The following KAT2B variants were observed in gnomAD, a reference collection of about 807,000 sequenced individuals.
The protein encoded by KAT2B is lysine acetyltransferase 2B.
Under a neutral mutation model 105.9 loss-of-function variants are expected in KAT2B, and 36 were observed. The ratio of observed to expected loss-of-function variants is 0.34; its 90% CI spans 0.26 to 0.45. The LOEUF is 0.45. Ranked by LOEUF, KAT2B falls within the 20% of genes least tolerant of loss-of-function variation. KAT2B has a pLI of 1.00. For synonymous variants in KAT2B, 397 were observed against 377.9 expected (o/e 1.05, Z -0.59); for missense variants, 820 against 1,021.6 (o/e 0.80, Z 2.69).
At chr3:20,060,699 A>G (rs188705008) in intron 1 of KAT2B, among the ~76,000 whole-genome samples, 80 of 152,216 alleles carry the variant, frequency 5.3e-4, no homozygotes, top group Middle Eastern at 6.8e-3. Flanking sequence ...CTGAGGTGGG[A>G]AGATCCCTTG....
intron 1 of KAT2B, among the ~76,000 whole-genome samples, chr3:20,062,254 A>AATATATAATAT (rs368794227): frequency 3.3e-5 from 2 of 61,438 alleles, no homozygotes; most frequent in Non-Finnish European, 5.2e-5. Flanking sequence ...TAATATATAA[A>AATATATAATAT]ATATGATATA....
chr3:20,111,873 A>T (rs1033578338), intron 6 of KAT2B, 86 bp downstream of exon 6: 5 of 1,053,784 alleles, frequency 4.7e-6, no homozygotes, highest in African/African-American at 1.6e-5. Flanking sequence ...AAATAACAAG[A>T]TCGGAAATGA....
rs1300109127 is a variant in KAT2B, at chr3:20,093,049, G to T, written c.431-2214G>T. ...GTCTGATATAAACATAGCTGCTCCT[G>T]CTCCTTCAGGATCCCCTACCCCTTG... is the stretch of plus-strand genomic sequence containing the variant. On this transcript the variant is annotated intron_variant, in intron 2 of 17. Coordinates refer to ENST00000263754, the MANE Select transcript of KAT2B (RefSeq NM_003884.5). Among the ~76,000 whole-genome samples the T allele has an allele frequency of 2.6e-5, 4 of 152,260 alleles. No individual in the cohort carries two copies. In the South Asian group the frequency reaches 8.3e-4, roughly 32 times the overall value.
In KAT2B at chr3:20,072,356, T is replaced by C. The variant is rs1323593442; in HGVS notation, c.327T>C (p.Asn109=). ...AGGCCGAGGAGTCTTGTAAATGTAA[T>C]GGCTGGAAAAACCCTAACCCCTCAC... ...ACKAEESCKC[N]GWKNPNPSPT... The change falls in exon 2 of 18, where the codon AAT becomes AAC. Residue 109 remains asparagine (N), a synonymous_variant. Coordinates refer to ENST00000263754, the MANE Select transcript of KAT2B (RefSeq NM_003884.5). The C allele has an allele frequency of 6.2e-7, 1 of 1,613,582 alleles. No individual in the cohort carries two copies. The highest frequency in any genetic ancestry group is 1.7e-5 in the Admixed American group (1 of 60,018).
Position 20,052,146 on chromosome 3 carries a change from G to T in KAT2B, c.303+11366G>T, listed in dbSNP as rs1011015698. 2.0e-5 allele frequency among the ~76,000 whole-genome samples: 3 copies of T among 152,192 alleles called. No homozygotes were observed. The South Asian group carries it at 6.2e-4, about 31-fold the overall frequency. ...ATCTTGTTCTCAAAGCCTCATTCCA[G>T]TCTGTTCTTAAATGCCAGCTTCTCA... On this transcript the variant is annotated intron_variant, in intron 1 of 17. Transcript: ENST00000263754.
In KAT2B at chr3:20,127,098, T is replaced by A. The variant is rs149387593; in HGVS notation, c.1623-325T>A. ...ACCATGTTTGTCCATGACTTCCTGC[T>A]CTCCCTGACCCCTCCTTGGCACTGG... On this transcript the variant is annotated intron_variant, in intron 10 of 17. Coordinates refer to ENST00000263754, the MANE Select transcript of KAT2B (RefSeq NM_003884.5). Among the ~76,000 whole-genome samples, 855 of 152,292 alleles carry A rather than the reference T, an allele frequency of 5.6e-3. 10 individuals are homozygous for A. Among genetic ancestry groups the A allele is most frequent in the African/African-American group, 0.02 (816 of 41,564 alleles).
intron 13 of KAT2B, among the ~76,000 whole-genome samples, chr3:20,144,276 CTTTTTTTTTT>C (rs761735374): frequency 2.5e-4 from 22 of 89,412 alleles, no homozygotes; most frequent in Admixed American, 3.9e-4. Flanking sequence ...CCTTGGGATT[CTTTTTTTTTT>C]TTTTTTTTTT....
chr3:20,051,770 G>A (rs996604420), intron 1 of KAT2B, among the ~76,000 whole-genome samples: 4 of 152,190 alleles, frequency 2.6e-5, no homozygotes, highest in Admixed American at 1.3e-4. Context: ...TATATGATGA[G>A]CTCGTTATTT....
At chr3:20,127,840 A>T (rs1322646076) in intron 11 of KAT2B, among the ~76,000 whole-genome samples, 1 of 152,214 alleles carries the variant, frequency 6.6e-6, no homozygotes, top group Non-Finnish European at 1.5e-5. Context: ...AGGAGCATGC[A>T]ACCTAGATCC....
In KAT2B at chr3:20,061,833, A is replaced by ACT. The variant is rs1491289357; in HGVS notation, c.304-10500_304-10499insCT. Among the ~76,000 whole-genome samples, 65 of 84,848 alleles carry ACT rather than the reference A, an allele frequency of 7.7e-4. 1 individual carries two copies. The highest frequency in any genetic ancestry group is 7.2e-3 in the Middle Eastern group (1 of 138). 55.7% of individuals were successfully genotyped at this position (84,848 alleles called of 152,430 possible). On this transcript the variant is annotated intron_variant, in intron 1 of 17. Coordinates refer to ENST00000263754, the MANE Select transcript of KAT2B (RefSeq NM_003884.5). Reference sequence around the variant, plus strand: ...ATTATACATAAAGTATATAATATATAATATACATAAAATATATATAATATA... The same window carrying ACT: ...ATTATACATAAAGTATATAATATATACTATATACATAAAATATATATAATATA...
At position 20,154,263 on chromosome 3, in the gene KAT2B, T is replaced by C. The variant is rs1464261725; in HGVS notation, c.*1738T>C. 1.3e-5 allele frequency: 2 copies of C among 152,644 alleles called. No homozygotes were observed. The highest frequency in any genetic ancestry group is 3.8e-4 in the East Asian group (2 of 5,204). The allele number at this position is 152,644 out of a possible 1,614,324, so 9.5% of individuals were successfully genotyped here. A position where few individuals can be genotyped will look rare whatever the true frequency, so the allele number is the denominator to read the frequency against. ...TCTAATTTAAAAATTAATATTTTCTTATAGATATTGTGCAATAAAGCTGAA... is the reference window on the plus strand; with the variant it reads ...TCTAATTTAAAAATTAATATTTTCTCATAGATATTGTGCAATAAAGCTGAA... On this transcript the variant is annotated 3_prime_UTR_variant, in exon 18 of 18. Transcript: ENST00000263754.
chr3:20,076,164 G>T (rs1161096402), intron 2 of KAT2B, among the ~76,000 whole-genome samples: 1 of 152,102 alleles, frequency 6.6e-6, no homozygotes, highest in East Asian at 1.9e-4. Flanking sequence ...GAAATCCCAA[G>T]GGTTTTAAGA....
At chr3:20,072,243 A>T in intron 1 of KAT2B, 90 bp from the exon 2 acceptor site, 1 of 1,331,880 alleles carries the variant, frequency 7.5e-7, no homozygotes, top group Non-Finnish European at 1.1e-6. Flanking sequence ...GATAGCTGTC[A>T]TATAATTAGT....
chr3:20,053,957 C>T (rs919973730), intron 1 of KAT2B, among the ~76,000 whole-genome samples: 5 of 152,030 alleles, frequency 3.3e-5, no homozygotes, highest in Non-Finnish European at 5.9e-5. Flanking sequence ...ACCACCACAC[C>T]GAGCTAATTT....
chr3:20,047,259 C>A (rs537071959), intron 1 of KAT2B, among the ~76,000 whole-genome samples: 2 of 151,958 alleles, frequency 1.3e-5, no homozygotes, highest in African/African-American at 2.4e-5. Flanking sequence ...GTTTCGCCAA[C>A]CTGGGTTTCG....
Position 20,068,621 on chromosome 3 carries a change from C to T in KAT2B, c.304-3712C>T, listed in dbSNP as rs565673955. 4.3e-4 allele frequency among the ~76,000 whole-genome samples: 66 copies of T among 152,138 alleles called. 1 individual carries two copies. The highest frequency in any genetic ancestry group is 3.4e-3 in the Middle Eastern group (1 of 294). On this transcript the variant is annotated intron_variant, in intron 1 of 17. Transcript: ENST00000263754. ...GTGTTAATCTTGTTTTCCCCATCCC[C>T]GGCTACCCCTAATGTAATCTCCAGG...
chr3:20,074,468 A>G (rs1228713826), intron 2 of KAT2B, among the ~76,000 whole-genome samples: 2 of 152,212 alleles, frequency 1.3e-5, no homozygotes, highest in Non-Finnish European at 2.9e-5. Flanking sequence ...TTGCAGGATC[A>G]TTGTGAGGAT....
chr3:20,059,704 C>CA (rs1698067275), intron 1 of KAT2B, among the ~76,000 whole-genome samples: 1 of 151,922 alleles, frequency 6.6e-6, no homozygotes, highest in African/African-American at 2.4e-5. Context: ...GACTCCATCT[C>CA]AAAACAAAAA....
At chr3:20,125,179 T>C (rs554788722) in intron 9 of KAT2B, among the ~76,000 whole-genome samples, 1 of 151,674 alleles carries the variant, frequency 6.6e-6, no homozygotes, top group African/African-American at 2.4e-5. Flanking sequence ...AAAAATTAGC[T>C]GGGCGCCGTG....
Sources: gnomAD v4.1 joint callset for allele counts (sites outside exome capture counted in the v4.1 genomes callset) on GRCh38, gnomAD v4.1.1 for gene constraint, MANE v1.5 for transcripts, NCBI Gene and HGNC (gene_info 2026-07-23, HGNC 2026-07-21) for gene names.